The following ANKRD36C variants were observed in gnomAD, a reference collection of about 807,000 sequenced individuals.
ANKRD36C encodes ankyrin repeat domain-containing protein 36C.
A neutral mutation model predicts 276.4 loss-of-function variants in ANKRD36C; 61 were observed. The observed-to-expected ratio is 0.22, with a 90% confidence interval of 0.18 to 0.27. ANKRD36C has a LOEUF of 0.27. ANKRD36C is among the 10% of genes least tolerant of loss of function. The probability of loss-of-function intolerance (pLI) is 1.00; values close to 1 mark genes in which losing one functional copy is unlikely to be tolerated. For synonymous variants in ANKRD36C, 483 were observed against 680.1 expected (o/e 0.71, Z 4.51); for missense variants, 1,447 against 2,032.3 (o/e 0.71, Z 5.54).
At chr2:95,981,372 T>G (rs1294549525) in intron 4 of ANKRD36C, among the ~76,000 whole-genome samples, 3 of 148,128 alleles carry the variant, frequency 2.0e-5, no homozygotes, top group African/African-American at 7.4e-5. Context: ...TTATATATAA[T>G]CTATAAAATA....
At chr2:95,922,281 C>T (rs1677293547) in intron 32 of ANKRD36C, among the ~76,000 whole-genome samples, 1 of 151,594 alleles carries the variant, frequency 6.6e-6, no homozygotes, top group Non-Finnish European at 1.5e-5. Context: ...AGTGACACTT[C>T]AGTTGAATGT....
intron 59 of ANKRD36C, among the ~76,000 whole-genome samples, chr2:95,870,347 C>T (rs1287440771): frequency 5.3e-5 from 8 of 152,198 alleles, no homozygotes; most frequent in South Asian, 2.1e-4. Flanking sequence ...CAGCAGCATT[C>T]GCGGTTCACG....
In ANKRD36C at chr2:95,962,419, T is replaced by A. The variant is rs1480016923; in HGVS notation, c.834A>T (p.Thr278=). The stretch of plus-strand genomic sequence containing the variant: ...TCGAGATAGAATCTTCCTTGCCACT[T>A]GTAGCCTGAGTGGGATTTGAAACAA... Residue 278 remains threonine (T), a synonymous_variant, in exon 8 of 67, where the codon ACA becomes ACT. Transcript: ENST00000456556. The A allele has an allele frequency of 1.9e-6, 3 of 1,574,234 alleles. No homozygotes were observed. The African/African-American group carries it at 4.1e-5, about 21-fold the overall frequency.
At chr2:95,938,553 T>TA (rs1319760536) in intron 22 of ANKRD36C, among the ~76,000 whole-genome samples, 3 of 152,172 alleles carry the variant, frequency 2.0e-5, no homozygotes, top group African/African-American at 7.2e-5. Flanking sequence ...AAAATACACC[T>TA]ACTCAAATCC....
chr2:95,966,295 A>C (rs1208030710), intron 6 of ANKRD36C, among the ~76,000 whole-genome samples: 1 of 152,002 alleles, frequency 6.6e-6, no homozygotes, highest in Admixed American at 6.6e-5. Flanking sequence ...GTTTTTATAC[A>C]TTGAGAACTT....
intron 22 of ANKRD36C, among the ~76,000 whole-genome samples, chr2:95,937,196 C>T (rs553539518): frequency 9.2e-5 from 14 of 152,298 alleles, no homozygotes; most frequent in Non-Finnish European, 1.8e-4. Context: ...TAAACAGACT[C>T]TAAAATTTTA....
intron 22 of ANKRD36C, among the ~76,000 whole-genome samples, chr2:95,937,927 A>C (rs1317010092): frequency 6.6e-6 from 1 of 152,300 alleles, no homozygotes; most frequent in Non-Finnish European, 1.5e-5. Flanking sequence ...GCATGAAGAG[A>C]CTTTAATTAA....
intron 54 of ANKRD36C, among the ~76,000 whole-genome samples, chr2:95,882,778 G>A (rs1278852903): frequency 6.6e-6 from 1 of 152,128 alleles, no homozygotes; most frequent in African/African-American, 2.4e-5. Flanking sequence ...TGGATATACT[G>A]AATGATGAAA....
intron 32 of ANKRD36C, among the ~76,000 whole-genome samples, chr2:95,922,505 C>A (rs1354362713): frequency 6.6e-6 from 1 of 151,568 alleles, no homozygotes; most frequent in Non-Finnish European, 1.5e-5. Flanking sequence ...CAATAAAAAG[C>A]ATCATCAATT....
At chr2:95,883,820 G>A (rs962384231) in intron 54 of ANKRD36C, among the ~76,000 whole-genome samples, 1 of 151,906 alleles carries the variant, frequency 6.6e-6, no homozygotes, top group African/African-American at 2.4e-5. Context: ...TTAGGAACAC[G>A]ATGTAATGTC....
chr2:95,939,137 G>A, intron 20 of ANKRD36C, 122 bp from the exon 21 acceptor site: 2 of 1,471,360 alleles, frequency 1.4e-6, no homozygotes, highest in Non-Finnish European at 1.8e-6. Flanking sequence ...TTACCCATTA[G>A]GCTTTGGGTT....
At chr2:95,915,535 C>T (rs981947371) in intron 38 of ANKRD36C, among the ~76,000 whole-genome samples, 12 of 151,436 alleles carry the variant, frequency 7.9e-5, no homozygotes, top group Admixed American at 4.6e-4. Flanking sequence ...CATCTTCATT[C>T]GGAAAATAAT....
chr2:95,990,030 T>G (rs1573823238), intron 1 of ANKRD36C, among the ~76,000 whole-genome samples: 2 of 152,332 alleles, frequency 1.3e-5, no homozygotes, highest in South Asian at 4.1e-4. Context: ...TTTTTTCTTA[T>G]AAACTGGATT....
rs1302483816 is a variant in ANKRD36C, at chr2:95,915,962, T to C, written c.2449+18A>G. 3 of 1,543,506 alleles carry C rather than the reference T, an allele frequency of 1.9e-6. No individual in the cohort carries two copies. The highest frequency in any genetic ancestry group is 1.4e-5 in the African/African-American group (1 of 72,894). The stretch of plus-strand genomic sequence containing the variant: ...TATCTGGACTGAACATGACATTAAA[T>C]GTGTTTTGCAAAATTACCTGTCCTA... On this transcript the variant is annotated intron_variant, in intron 38 of 66. Coordinates refer to ENST00000456556, the Ensembl canonical transcript of ANKRD36C.
At position 95,908,563 on chromosome 2, in the gene ANKRD36C, A is replaced by G. The variant is rs201340585; in HGVS notation, c.2653+3681T>C. 4.1e-4 allele frequency: 632 copies of G among 1,556,442 alleles called. 10 individuals are homozygous for G. The South Asian group carries it at 4.4e-3, about 11-fold the overall frequency. On this transcript the variant is annotated intron_variant, in intron 42 of 66. Coordinates refer to ENST00000456556, the Ensembl canonical transcript of ANKRD36C. ...CTATATTCAAAAGAGAATCTTTCTCATCTCTTGTAGCCTGAATGGAATTTG... is the reference window on the plus strand; with the variant it reads ...CTATATTCAAAAGAGAATCTTTCTCGTCTCTTGTAGCCTGAATGGAATTTG...
At chr2:95,854,536 A>T (rs1176748705) in intron 63 of ANKRD36C, among the ~76,000 whole-genome samples, 2 of 152,132 alleles carry the variant, frequency 1.3e-5, no homozygotes, top group Non-Finnish European at 2.9e-5. Flanking sequence ...TATCCAAATG[A>T]TAGTAATTGA....
chr2:95,964,946 TA>T (rs1408071724), intron 6 of ANKRD36C, among the ~76,000 whole-genome samples: 2 of 151,956 alleles, frequency 1.3e-5, no homozygotes, highest in African/African-American at 4.8e-5. Flanking sequence ...ATAACCTATT[TA>T]AAAACTTCTT....
chr2:95,932,078 G>A (rs78682366), intron 24 of ANKRD36C, among the ~76,000 whole-genome samples: 7 of 152,264 alleles, frequency 4.6e-5, no homozygotes, highest in African/African-American at 1.7e-4. Context: ...CTTACTGTTA[G>A]TCTCTGAAAA....
intron 44 of ANKRD36C, among the ~76,000 whole-genome samples, chr2:95,892,618 C>G (rs570661418): frequency 2.0e-5 from 3 of 151,596 alleles, no homozygotes; most frequent in African/African-American, 7.2e-5. Flanking sequence ...TAGATATTGA[C>G]CAGTTATTCA....
Sources: allele counts gnomAD v4.1 joint callset (sites outside exome capture counted in the v4.1 genomes callset), GRCh38; gene constraint gnomAD v4.1.1; transcripts MANE v1.5; gene names NCBI Gene and HGNC (gene_info 2026-07-23, HGNC 2026-07-21).